The following DAAM2 variants were observed in gnomAD, a reference collection of about 807,000 sequenced individuals.
DAAM2 encodes disheveled-associated activator of morphogenesis 2.
A neutral mutation model predicts 120.7 loss-of-function variants in DAAM2; 39 were observed. The observed-to-expected ratio is 0.32, with a 90% CI of 0.25 to 0.42. The LOEUF (loss-of-function observed/expected upper bound fraction) is 0.42, where lower values mean the gene tolerates loss of function less well. Among genes scored for constraint, DAAM2 ranks in the 10% least tolerant of loss-of-function variants. The pLI is 1.00. For missense variants in DAAM2, 1,283 were observed against 1,401.7 expected (o/e 0.92, Z 1.35); for synonymous variants, 488 against 524.9 (o/e 0.93, Z 0.96).
At chr6:39,858,520 G>A (rs1764093739) in intron 2 of DAAM2, among the ~76,000 whole-genome samples, 1 of 152,260 alleles carries the variant, frequency 6.6e-6, no homozygotes, top group East Asian at 1.9e-4. Context: ...GGGGCCCTGG[G>A]CAGGATAGGA....
chr6:39,901,784 G>A lies in DAAM2; in HGVS notation c.2983-29G>A, dbSNP rs752077405. ...TGGCCTCAGCGCCTCTCCCTGAGAG[G>A]GTTCCTATCTTTGGCCCCCCGCCCG... On this transcript the variant is annotated intron_variant, in intron 24 of 24. Transcript: ENST00000274867. The surrounding 1 kb of genome is among the most constrained non-coding windows in gnomAD (Gnocchi z 4.5). The A allele has an allele frequency of 2.0e-6, 3 of 1,502,324 alleles. No homozygotes were observed. The highest frequency in any genetic ancestry group is 1.3e-5 in the South Asian group (1 of 74,816). 93.1% of individuals were successfully genotyped at this position (1,502,324 alleles called of 1,614,324 possible). A position where few individuals can be genotyped will look rare whatever the true frequency, so the allele number is the denominator to read the frequency against.
chr6:39,796,499 T>TG (rs1254255893), intron 1 of DAAM2, among the ~76,000 whole-genome samples: 1 of 150,788 alleles, frequency 6.6e-6, no homozygotes, highest in Non-Finnish European at 1.5e-5. Flanking sequence ...CAAGATGCTG[T>TG]GGGGGGAGGA....
chr6:39,879,866 A>C, intron 14 of DAAM2: 1 of 352,600 alleles, frequency 2.8e-6, no homozygotes, highest in Non-Finnish European at 5.4e-6. Flanking sequence ...GATCAGGACA[A>C]TGTATACAAA....
chr6:39,810,478 C>T (rs1466848495), intron 1 of DAAM2, among the ~76,000 whole-genome samples: 2 of 152,216 alleles, frequency 1.3e-5, no homozygotes, highest in Non-Finnish European at 2.9e-5. Flanking sequence ...CCCCTGGTTG[C>T]TGTGGGTGCT....
Position 39,891,444 on chromosome 6 carries a change from G to A in DAAM2, c.2249G>A (p.Ser750Asn), listed in dbSNP as rs544326813. Residue 750 changes from serine to asparagine, a missense_variant, in exon 18 of 25, where the codon AGC becomes AAC. Physicochemically the swap from Ser to Asn is conservative, Grantham distance 46 (BLOSUM62 1). Around this residue, in one of 3 missense-constraint regions of DAAM2, gnomAD observed 748 missense variants for 768.6 expected, o/e 0.97. Coordinates refer to ENST00000274867, the MANE Select transcript of DAAM2 (RefSeq NM_001201427.2). ...GCTGACCGCTTCCTCTATGAAATGAGCAGGTTGGGCCATGGGCATGGTGGG... is the reference window on the plus strand; with the variant it reads ...GCTGACCGCTTCCTCTATGAAATGAACAGGTTGGGCCATGGGCATGGTGGG... ...ARADRFLYEMSRIDHYQQRLQ... is the reference protein window; with the variant it reads ...ARADRFLYEMNRIDHYQQRLQ... 2 of 1,604,496 alleles carry A rather than the reference G, an allele frequency of 1.2e-6. No homozygotes were observed. Among genetic ancestry groups the A allele is most frequent in the East Asian group, 4.5e-5 (2 of 44,634 alleles).
chr6:39,887,839 C>G (rs748024627), intron 16 of DAAM2: 2 of 461,780 alleles, frequency 4.3e-6, no homozygotes, highest in Non-Finnish European at 4.0e-6. Context: ...TCTAAGCCCA[C>G]GGAGGGCCTC....
At chr6:39,897,670 T>G (rs1016328107) in intron 21 of DAAM2, among the ~76,000 whole-genome samples, 23 of 152,160 alleles carry the variant, frequency 1.5e-4, no homozygotes, top group Admixed American at 5.2e-4. Context: ...TGGGTGCACA[T>G]GTGTAGTAGC....
At position 39,879,241 on chromosome 6, in the gene DAAM2, A is replaced by G; in HGVS notation, c.1609A>G (p.Thr537Ala). ...ACTCACCTTGTCTTCCTCAATGACA[A>G]CCAATGACCTGCCTCCACCCCCTCC... is the stretch of plus-strand genomic sequence containing the variant. ...GPLTLSSSMT[T>A]NDLPPPPPPL... Residue 537 changes from threonine to alanine, a missense_variant, in exon 14 of 25, where the codon ACC becomes GCC. By Grantham distance (58) the Thr-to-Ala change is moderately conservative. This residue lies in a region of DAAM2 where 748 missense variants were observed against 768.6 expected (regional missense o/e 0.97). Transcript: ENST00000274867. 6.5e-7 allele frequency: 1 copy of G among 1,549,232 alleles called. No individual in the cohort carries two copies. The highest frequency in any genetic ancestry group is 8.7e-7 in the Non-Finnish European group (1 of 1,145,324).
At chr6:39,851,749 G>T (rs1309687100) in intron 1 of DAAM2, among the ~76,000 whole-genome samples, 1 of 152,216 alleles carries the variant, frequency 6.6e-6, no homozygotes, top group African/African-American at 2.4e-5. Context: ...AAGCCTTTGG[G>T]AATAGGATCG....
chr6:39,846,519 C>A (rs886999027), intron 1 of DAAM2, among the ~76,000 whole-genome samples: 1 of 152,136 alleles, frequency 6.6e-6, no homozygotes, highest in Admixed American at 6.5e-5. Context: ...GACTTCTGTT[C>A]TTGATCTTTG....
At chr6:39,838,570 T>C (rs1763197163) in intron 1 of DAAM2, among the ~76,000 whole-genome samples, 1 of 152,120 alleles carries the variant, frequency 6.6e-6, no homozygotes, top group South Asian at 2.1e-4. Context: ...CCTGGAGAGA[T>C]TTTACAACTG....
rs369978168 is a variant in DAAM2, at chr6:39,873,254, A to G, written c.1061A>G (p.Lys354Arg). The change falls in exon 10 of 25, where the codon AAG becomes AGG. Residue 354 changes from lysine to arginine, a missense_variant. Around this residue, in one of 3 missense-constraint regions of DAAM2, gnomAD observed 338 missense variants for 443.9 expected, o/e 0.76. Coordinates refer to ENST00000274867, the MANE Select transcript of DAAM2 (RefSeq NM_001201427.2). ...CTCTCCCAGGTCCACATCGACACCA[A>G]GAGTGCTTCCCAGATGTTTGAGTTG... The part of the protein sequence containing the change: ...RRFDMVHIDT[K>R]SASQMFELIH... 2.0e-5 allele frequency: 33 copies of G among 1,612,470 alleles called. No individual in the cohort carries two copies. The highest frequency in any genetic ancestry group is 2.6e-5 in the Non-Finnish European group (31 of 1,179,244).
At position 39,873,373 on chromosome 6, in the gene DAAM2, G is replaced by A. The variant is rs1215576732; in HGVS notation, c.1162+18G>A. ...GATGCCCTGTAAGTACCCTGCACTT[G>A]CTGCTTCCCTCGACTGGCCTGAACC... is the stretch of plus-strand genomic sequence containing the variant. On this transcript the variant is annotated intron_variant, in intron 10 of 24. Transcript: ENST00000274867. 5 of 1,545,474 alleles carry A rather than the reference G, an allele frequency of 3.2e-6. No individual in the cohort carries two copies. Among genetic ancestry groups the A allele is most frequent in the East Asian group, 2.3e-5 (1 of 44,338 alleles).
intron 15 of DAAM2, 25 bp from the exon 16 acceptor site, chr6:39,887,461 T>C: frequency 6.4e-7 from 1 of 1,572,858 alleles, no homozygotes; most frequent in Non-Finnish European, 8.7e-7. Flanking sequence ...ACACCTCAAC[T>C]GTCCACTTGA....
intron 1 of DAAM2, among the ~76,000 whole-genome samples, chr6:39,805,557 A>ATTTT (rs35097341): frequency 7.0e-6 from 1 of 142,578 alleles, no homozygotes; most frequent in African/African-American, 2.6e-5. Flanking sequence ...TCCTAAGGTT[A>ATTTT]TTTTTTTTTT....
chr6:39,886,523 CAG>C (rs1179246890), intron 15 of DAAM2: 2 of 399,114 alleles, frequency 5.0e-6, no homozygotes, highest in East Asian at 7.1e-5. Context: ...CTGGGCCTGA[CAG>C]AGAGGACTTG....
In DAAM2 at chr6:39,878,722, T is replaced by C; in HGVS notation, c.1545+134T>C. 17 of 894,328 alleles carry C rather than the reference T, an allele frequency of 1.9e-5. No individual in the cohort carries two copies. The South Asian group carries it at 2.3e-4, about 12-fold the overall frequency. 55.4% of individuals were successfully genotyped at this position (894,328 alleles called of 1,614,324 possible). A position where few individuals can be genotyped will look rare whatever the true frequency, so the allele number is the denominator to read the frequency against. On this transcript the variant is annotated intron_variant, in intron 13 of 24. Coordinates refer to ENST00000274867, the MANE Select transcript of DAAM2 (RefSeq NM_001201427.2). This position sits in a 1 kb window ranked among gnomAD's most constrained non-coding sequence, Gnocchi z 5.0. Reference sequence around the variant, plus strand: ...GGGAGATGGAGACCTTGGGCCAGGATAGAAGAGACCCTTGAGGCTGTACAG... The same window carrying C: ...GGGAGATGGAGACCTTGGGCCAGGACAGAAGAGACCCTTGAGGCTGTACAG...
chr6:39,802,769 A>G lies in DAAM2; in HGVS notation c.-57+10304A>G, dbSNP rs74807288. ...TCTTAACTTTTTATTGAAGCCCAAC[A>G]TAAATGAGAAAAAATACACAATTTT... On this transcript the variant is annotated intron_variant, in intron 1 of 24. Coordinates refer to ENST00000274867, the MANE Select transcript of DAAM2 (RefSeq NM_001201427.2). Among the ~76,000 whole-genome samples the G allele has an allele frequency of 5.5e-3, 839 of 152,340 alleles. 7 individuals are homozygous for G. Among genetic ancestry groups the G allele is most frequent in the African/African-American group, 0.019 (793 of 41,574 alleles).
chr6:39,831,681 T>G (rs1562011169), intron 1 of DAAM2, among the ~76,000 whole-genome samples: 1 of 119,924 alleles, frequency 8.3e-6, no homozygotes. Flanking sequence ...ACCTGAACAG[T>G]CCAGGTCTGT....
Sources: gnomAD v4.1 joint callset for allele counts (sites outside exome capture counted in the v4.1 genomes callset) on GRCh38, gnomAD v4.1.1 for gene constraint, gnomAD v4.1.1 regional missense constraint, Gnocchi (gnomAD v3.1) non-coding constraint, MANE v1.5 for transcripts, NCBI Gene and HGNC (gene_info 2026-07-23, HGNC 2026-07-21) for gene names.